TGFB2: variants seen among roughly 807,000 people sequenced by gnomAD.
The protein encoded by TGFB2 is transforming growth factor beta-2 proprotein.
Under a neutral mutation model 42.7 loss-of-function variants are expected in TGFB2, and 13 were observed. The observed-to-expected ratio is 0.30, with a 90% CI of 0.20 to 0.48. TGFB2 has a LOEUF of 0.48. Among genes scored for constraint, TGFB2 ranks in the 20% least tolerant of loss-of-function variants. The pLI, the probability that TGFB2 is intolerant of heterozygous loss-of-function variation, is 0.99. For missense variants in TGFB2, 390 were observed against 517.5 expected (o/e 0.75, Z 2.39); for synonymous variants, 193 against 193.6 (o/e 1.00, Z 0.03).
intron 1 of TGFB2, 96 bp downstream of exon 1, chr1:218,347,143 G>A: frequency 4.2e-6 from 5 of 1,177,906 alleles, no homozygotes; most frequent in Non-Finnish European, 6.0e-6. Flanking sequence ...CCCTCTCGCG[G>A]TTCCCGTTCG....
rs531758178 is a variant in TGFB2 at position 218,361,350 on chromosome 1, G to A, written c.346+14303G>A. On this transcript the variant is annotated intron_variant, in intron 1 of 6. Transcript: ENST00000366930. ...GAAGGGATTTTAATGCTGTTTTATA[G>A]CAGAGTGAAAGTAAACCAAAGGTGC... 3.3e-5 allele frequency among the ~76,000 whole-genome samples: 5 copies of A among 152,322 alleles called. No homozygotes were observed. In the South Asian group the frequency reaches 1.0e-3, roughly 32 times the overall value.
intron 2 of TGFB2, among the ~76,000 whole-genome samples, chr1:218,424,772 TG>T (rs1659565725): frequency 6.6e-6 from 1 of 152,264 alleles, no homozygotes; most frequent in African/African-American, 2.4e-5. Flanking sequence ...AAAATTTCTG[TG>T]ACTCAATGAT....
At chr1:218,368,336 C>A (rs1657454442) in intron 1 of TGFB2, among the ~76,000 whole-genome samples, 2 of 151,382 alleles carry the variant, frequency 1.3e-5, no homozygotes, top group African/African-American at 4.9e-5. Context: ...GGGGTTTCAC[C>A]ATGTTGGCCC....
intron 1 of TGFB2, among the ~76,000 whole-genome samples, chr1:218,385,595 G>A (rs560067791): frequency 1.3e-5 from 2 of 152,326 alleles, no homozygotes; most frequent in South Asian, 4.1e-4. Flanking sequence ...CTAAGACCAA[G>A]ATCTTCTCAC....
At chr1:218,437,588 C>A in intron 6 of TGFB2, 92 bp downstream of exon 6, 1 of 1,357,032 alleles carries the variant, frequency 7.4e-7, no homozygotes, top group Non-Finnish European at 9.8e-7. Context: ...TAACCTCGTG[C>A]TGTCTTACCA....
rs1553291855 is a variant in TGFB2 at position 218,346,056 on chromosome 1, G to GCACGCACACACACACACA, written c.-643_-642insGCACACACACACACACAC. ...GGGCTCGCCCCCAGCGCGCGCACACGCACACACACACACACACACACACAC... is the reference window on the plus strand; with the variant it reads ...GGGCTCGCCCCCAGCGCGCGCACACGCACGCACACACACACACACACACACACACACACACACACACAC... On this transcript the variant is annotated 5_prime_UTR_variant, in exon 1 of 7. Coordinates refer to ENST00000366930, the MANE Select transcript of TGFB2 (RefSeq NM_003238.6). This position sits in a 1 kb window ranked among gnomAD's most constrained non-coding sequence, Gnocchi z 4.9. Among the ~76,000 whole-genome samples, 3 of 145,604 alleles carry GCACGCACACACACACACA rather than the reference G, an allele frequency of 2.1e-5. No individual in the cohort carries two copies. The highest frequency in any genetic ancestry group is 7.6e-5 in the African/African-American group (3 of 39,610).
chr1:218,405,009 CT>C (rs957905270), intron 1 of TGFB2, among the ~76,000 whole-genome samples, 159 bp from the exon 2 acceptor site: 1 of 151,942 alleles, frequency 6.6e-6, no homozygotes, highest in Admixed American at 6.6e-5. Flanking sequence ...TATTTTATTT[CT>C]TTTTTTTCTG....
intron 1 of TGFB2, among the ~76,000 whole-genome samples, chr1:218,377,483 C>A (rs1327298540): frequency 1.3e-5 from 2 of 152,172 alleles, no homozygotes; most frequent in Non-Finnish European, 2.9e-5. Flanking sequence ...TCAATAAAAA[C>A]CCCAGTAAAA....
intron 1 of TGFB2, among the ~76,000 whole-genome samples, chr1:218,392,921 T>G (rs992982928): frequency 6.6e-6 from 1 of 152,236 alleles, no homozygotes; most frequent in African/African-American, 2.4e-5. Flanking sequence ...GCTTAAGCTT[T>G]AGGGCAGAGC....
At chr1:218,415,752 A>AAGG in intron 2 of TGFB2, among the ~76,000 whole-genome samples, 1 of 151,258 alleles carries the variant, frequency 6.6e-6, no homozygotes, top group South Asian at 2.1e-4. Context: ...CAGAGTGGGA[A>AAGG]AGGAGGAGAC....
intron 2 of TGFB2, among the ~76,000 whole-genome samples, chr1:218,415,886 C>T (rs1200313973): frequency 2.0e-5 from 3 of 151,666 alleles, no homozygotes; most frequent in Non-Finnish European, 2.9e-5. Flanking sequence ...ACACAAGATG[C>T]GGAAGGAGTA....
chr1:218,373,556 A>G (rs547758054), intron 1 of TGFB2, among the ~76,000 whole-genome samples: 1 of 152,088 alleles, frequency 6.6e-6, no homozygotes, highest in African/African-American at 2.4e-5. Context: ...TAATCTCCAT[A>G]TTAGCACTAT....
intron 1 of TGFB2, among the ~76,000 whole-genome samples, chr1:218,350,637 GTTATC>G (rs146075292): frequency 0.01 from 1,569 of 152,300 alleles, 28 homozygotes; most frequent in African/African-American, 0.036. Flanking sequence ...TAGTCAGACA[GTTATC>G]TTAATTAAAT....
intron 1 of TGFB2, among the ~76,000 whole-genome samples, chr1:218,387,426 T>C (rs1658172660): frequency 6.6e-6 from 1 of 152,152 alleles, no homozygotes; most frequent in Non-Finnish European, 1.5e-5. Context: ...GTAGGCTTGC[T>C]TGGTACCATG....
chr1:218,356,536 C>G (rs1410126922), intron 1 of TGFB2, among the ~76,000 whole-genome samples: 1 of 152,196 alleles, frequency 6.6e-6, no homozygotes, highest in African/African-American at 2.4e-5. Context: ...ATTATTTAAA[C>G]TATTTGAACT....
chr1:218,401,734 G>A (rs865862900), intron 1 of TGFB2, among the ~76,000 whole-genome samples: 1 of 152,086 alleles, frequency 6.6e-6, no homozygotes. Context: ...AGAGGAAAAA[G>A]CTCCATCCCT....
intron 2 of TGFB2, among the ~76,000 whole-genome samples, chr1:218,427,270 C>G (rs1356525551): frequency 1.3e-5 from 2 of 152,110 alleles, no homozygotes; most frequent in Non-Finnish European, 2.9e-5. Flanking sequence ...ACAATACCTT[C>G]TAATTACCTT....
At chr1:218,379,934 A>G (rs982570036) in intron 1 of TGFB2, among the ~76,000 whole-genome samples, 1 of 152,224 alleles carries the variant, frequency 6.6e-6, no homozygotes, top group Non-Finnish European at 1.5e-5. Flanking sequence ...TTAGTCAATA[A>G]TAACAATAAC....
At position 218,361,149 on chromosome 1, in the gene TGFB2, G is replaced by A. The variant is rs186382418; in HGVS notation, c.346+14102G>A. ...ATTATAGGCGTGAGCCACCGCGCCC[G>A]GCCTGAAAACTGATTATTTTAAAAC... On this transcript the variant is annotated intron_variant, in intron 1 of 6. Transcript: ENST00000366930. 5.9e-5 allele frequency among the ~76,000 whole-genome samples: 9 copies of A among 152,292 alleles called. 1 individual carries two copies. Among genetic ancestry groups the A allele is most frequent in the Admixed American group, 3.3e-4 (5 of 15,298 alleles).
Sources: gnomAD v4.1 joint callset for allele counts (sites outside exome capture counted in the v4.1 genomes callset) on GRCh38, gnomAD v4.1.1 for gene constraint, Gnocchi (gnomAD v3.1) non-coding constraint, MANE v1.5 for transcripts, NCBI Gene and HGNC (gene_info 2026-07-23, HGNC 2026-07-21) for gene names.